PRR16: variants seen among roughly 807,000 people sequenced by gnomAD.
PRR16 encodes protein Largen.
PRR16 carries 6 observed loss-of-function variants against 18.2 expected under a neutral mutation model. The observed-to-expected ratio is 0.33, with a 90% confidence interval of 0.18 to 0.65. The LOEUF is 0.65. Ranked by LOEUF, PRR16 falls within the 30% of genes least tolerant of loss-of-function variation. PRR16 has a pLI of 0.74. For missense variants in PRR16, 412 were observed against 376.6 expected (o/e 1.09, Z -0.78); for synonymous variants, 151 against 147.8 (o/e 1.02, Z -0.16).
the PRR16 span, among the ~76,000 whole-genome samples, chr5:120,745,553 AAAC>A: frequency 8.7e-5 from 13 of 149,482 alleles, no homozygotes; most frequent in Admixed American, 1.3e-4. Flanking sequence ...ATTAAAACAA[AAAC>A]AACAACAACA....
chr5:120,711,934 C>G, the PRR16 span, among the ~76,000 whole-genome samples: 1 of 152,268 alleles, frequency 6.6e-6, no homozygotes, highest in African/African-American at 2.4e-5. Context: ...GCAATTTCCT[C>G]TCCCATTTCC....
intron 1 of PRR16, among the ~76,000 whole-genome samples, chr5:120,682,093 T>C (rs990140332): frequency 6.6e-6 from 1 of 152,230 alleles, no homozygotes; most frequent in Admixed American, 6.5e-5. Flanking sequence ...ACAGGATAGC[T>C]GCTACCTAAC....
chr5:120,687,583 A>G (rs900449733), downstream of PRR16, among the ~76,000 whole-genome samples: 1 of 152,084 alleles, frequency 6.6e-6, no homozygotes, highest in Non-Finnish European at 1.5e-5. Context: ...TGTACCCTAA[A>G]CTATTACATT....
the PRR16 span, among the ~76,000 whole-genome samples, chr5:120,773,638 G>GT: frequency 1.7e-3 from 252 of 151,636 alleles, 1 homozygote; most frequent in South Asian, 8.3e-3. Flanking sequence ...TTCTATTTTT[G>GT]TTTTTTTTGA....
At chr5:120,706,328 T>C in the PRR16 span, among the ~76,000 whole-genome samples, 1 of 4,896 alleles carries the variant, frequency 2.0e-4, no homozygotes, top group African/African-American at 2.8e-4. Flanking sequence ...TCAGTTTGAC[T>C]TGGGGACATA....
chr5:120,562,517 T>A (rs1265041182), intron 1 of PRR16, among the ~76,000 whole-genome samples: 1 of 152,152 alleles, frequency 6.6e-6, no homozygotes. Context: ...TGACATTTTG[T>A]TATTTATGTT....
At chr5:120,733,635 C>T in the PRR16 span, among the ~76,000 whole-genome samples, 3 of 152,150 alleles carry the variant, frequency 2.0e-5, no homozygotes, top group Non-Finnish European at 1.5e-5. Flanking sequence ...ATGCCCCGCT[C>T]TCTCAGTAAC....
At chr5:120,561,615 A>C (rs1752577642) in intron 1 of PRR16, among the ~76,000 whole-genome samples, 1 of 152,074 alleles carries the variant, frequency 6.6e-6, no homozygotes, top group Non-Finnish European at 1.5e-5. Context: ...ATGTTATGTA[A>C]ATGTCTATGA....
In PRR16 at chr5:120,591,851, G is replaced by T. The variant is rs574245897; in HGVS notation, c.160-94103G>T. On this transcript the variant is annotated intron_variant, in intron 1 of 1. Transcript: ENST00000407149. ...TAAATAAAAATGCAGAAGGGCTGAG[G>T]AGTTCTTCTCTTGAATCTTCGAAAG... Among the ~76,000 whole-genome samples the T allele has an allele frequency of 2.8e-4, 43 of 152,178 alleles. 1 individual carries two copies. Among genetic ancestry groups the T allele is most frequent in the Non-Finnish European group, 3.1e-4 (21 of 67,980 alleles).
At chr5:120,754,256 A>ATAATATATATAATTAGATATTATAAT in the PRR16 span, among the ~76,000 whole-genome samples, 1 of 32,684 alleles carries the variant, frequency 3.1e-5, no homozygotes, top group Non-Finnish European at 5.5e-5. Flanking sequence ...ATTATAATAT[A>ATAATATATATAATTAGATATTATAAT]AAAATATAAA....
intron 1 of PRR16, among the ~76,000 whole-genome samples, chr5:120,544,559 A>G (rs1752016879): frequency 1.3e-5 from 2 of 151,858 alleles, no homozygotes; most frequent in Admixed American, 6.6e-5. Flanking sequence ...TAAAACCAAA[A>G]CTTTATACAA....
At chr5:120,667,937 T>C (rs1199751321) in intron 1 of PRR16, among the ~76,000 whole-genome samples, 2 of 152,130 alleles carry the variant, frequency 1.3e-5, no homozygotes, top group Non-Finnish European at 2.9e-5. Context: ...TCTGTTGATT[T>C]GGGGTGGAGA....
chr5:120,702,763 G>T, the PRR16 span, among the ~76,000 whole-genome samples: 1 of 152,138 alleles, frequency 6.6e-6, no homozygotes, highest in African/African-American at 2.4e-5. Context: ...AGAAAGTAGT[G>T]GAGGGACAGT....
the PRR16 span, among the ~76,000 whole-genome samples, chr5:120,763,031 C>A: frequency 6.6e-6 from 1 of 152,078 alleles, no homozygotes; most frequent in African/African-American, 2.4e-5. Context: ...AATGTACTTT[C>A]CCCAATATGT....
At chr5:120,755,113 C>T in the PRR16 span, among the ~76,000 whole-genome samples, 93 of 151,468 alleles carry the variant, frequency 6.1e-4, no homozygotes, top group African/African-American at 2.1e-3. Context: ...ATGGGTGCAG[C>T]ACACCAACAT....
At chr5:120,755,203 T>A in the PRR16 span, among the ~76,000 whole-genome samples, 644 of 151,584 alleles carry the variant, frequency 4.2e-3, 2 homozygotes, top group Non-Finnish European at 6.9e-3. Context: ...TAATAAAATT[T>A]AAAAAAAATC....
At chr5:120,730,411 AAGTT>A in the PRR16 span, among the ~76,000 whole-genome samples, 20 of 152,258 alleles carry the variant, frequency 1.3e-4, no homozygotes, top group Non-Finnish European at 2.4e-4. Flanking sequence ...GTCCAACTAA[AAGTT>A]AGTTAGATAA....
chr5:120,739,269 T>TA, the PRR16 span, among the ~76,000 whole-genome samples: 4 of 152,106 alleles, frequency 2.6e-5, no homozygotes, highest in Non-Finnish European at 4.4e-5. Context: ...GATACTGTTA[T>TA]AAAAAAATTT....
chr5:120,721,358 T>A, the PRR16 span, among the ~76,000 whole-genome samples: 1 of 151,920 alleles, frequency 6.6e-6, no homozygotes, highest in East Asian at 1.9e-4. Flanking sequence ...TATGTATAGA[T>A]CAAGGTGAGA....
Sources: allele counts gnomAD v4.1 joint callset (sites outside exome capture counted in the v4.1 genomes callset), GRCh38; gene constraint gnomAD v4.1.1; transcripts MANE v1.5; gene names NCBI Gene and HGNC (gene_info 2026-07-23, HGNC 2026-07-21).